Variants in CPED1 observed in about 807,000 individuals in gnomAD.
The protein encoded by CPED1 is cadherin like and PC-esterase domain containing 1, also known as cadherin-like and PC-esterase domain-containing protein 1.
In CPED1, 114 loss-of-function variants were observed where a neutral mutation model predicts 128.2. That is an observed-to-expected ratio of 0.89 (90% CI 0.76 to 1.04). The LOEUF (loss-of-function observed/expected upper bound fraction) is 1.04, where lower values mean the gene tolerates loss of function less well. CPED1 is among the 50% of genes least tolerant of loss of function. The pLI is 0.00. For missense variants in CPED1, 1,211 were observed against 1,207.1 expected (o/e 1.00, Z -0.05); for synonymous variants, 462 against 426.7 (o/e 1.08, Z -1.02).
rs771467125 is a variant in CPED1 at position 121,260,222 on chromosome 7, CGTTT to C, written c.2311-6004_2311-6001del. 1.2e-4 allele frequency among the ~76,000 whole-genome samples: 9 copies of C among 76,386 alleles called. No homozygotes were observed. The Admixed American group carries it at 1.2e-3, about 10-fold the overall frequency. The allele number at this position is 76,386 out of a possible 152,430, so 50.1% of individuals were successfully genotyped here. A position where few individuals can be genotyped will look rare whatever the true frequency, so the allele number is the denominator to read the frequency against. ...TGATGTTGTAGAGTTGCTTGCTTCGCGTTTTTTTTTTTTTTTTTTTTTTTTTGCC... is the reference window on the plus strand; with the variant it reads ...TGATGTTGTAGAGTTGCTTGCTTCGCTTTTTTTTTTTTTTTTTTTTTTGCC... On this transcript the variant is annotated intron_variant, in intron 18 of 22. Transcript: ENST00000310396.
chr7:121,223,159 G>A (rs1185641878), intron 16 of CPED1, among the ~76,000 whole-genome samples: 1 of 152,074 alleles, frequency 6.6e-6, no homozygotes. Context: ...TGAGTTTTTA[G>A]CATGAAGGGC....
intron 16 of CPED1, among the ~76,000 whole-genome samples, chr7:121,198,174 G>GA (rs949681289): frequency 2.6e-5 from 4 of 151,808 alleles, no homozygotes; most frequent in African/African-American, 7.3e-5. Flanking sequence ...TATTGTTTAG[G>GA]AAAAAAATCA....
chr7:121,154,519 A>AT (rs1239037469), intron 16 of CPED1, among the ~76,000 whole-genome samples: 1 of 151,248 alleles, frequency 6.6e-6, no homozygotes, highest in Non-Finnish European at 1.5e-5. Context: ...TGAATTTTTT[A>AT]TTTTTTATTT....
intron 5 of CPED1, among the ~76,000 whole-genome samples, chr7:121,086,303 A>G (rs1178562632): frequency 6.6e-6 from 1 of 152,246 alleles, no homozygotes; most frequent in Non-Finnish European, 1.5e-5. Context: ...GTAAATCTAC[A>G]CATTTGTTGT....
intron 16 of CPED1, among the ~76,000 whole-genome samples, chr7:121,220,725 G>A (rs1797856481): frequency 6.6e-6 from 1 of 152,012 alleles, no homozygotes; most frequent in Non-Finnish European, 1.5e-5. Flanking sequence ...ATTGAAGCAT[G>A]TAAAATAAAA....
Position 121,124,491 on chromosome 7 carries a change from AT to A in CPED1, c.1061+21del. On this transcript the variant is annotated intron_variant, in intron 8 of 22. Coordinates refer to ENST00000310396, the MANE Select transcript of CPED1 (RefSeq NM_024913.5). ...TTCCATAGGTAAAAAACAAATTTTA[AT>A]TTAAAAAAAAAAGAAAAGAAAGAAA... 7.0e-7 allele frequency: 1 copy of A among 1,419,654 alleles called. No homozygotes were observed. 87.9% of individuals were successfully genotyped at this position (1,419,654 alleles called of 1,614,324 possible).
intron 22 of CPED1, among the ~76,000 whole-genome samples, chr7:121,290,455 C>T (rs1418286748): frequency 2.6e-5 from 4 of 152,194 alleles, no homozygotes; most frequent in Non-Finnish European, 2.9e-5. Flanking sequence ...TCTCCACATC[C>T]TCTCCAGCAT....
At chr7:121,157,443 A>T (rs2116422162) in intron 16 of CPED1, among the ~76,000 whole-genome samples, 1 of 152,268 alleles carries the variant, frequency 6.6e-6, no homozygotes, top group African/African-American at 2.4e-5. Flanking sequence ...ATACCAGTAG[A>T]GGAGGGTGTG....
intron 22 of CPED1, among the ~76,000 whole-genome samples, chr7:121,277,008 AT>A (rs888382548): frequency 4.6e-4 from 70 of 150,862 alleles, no homozygotes; most frequent in African/African-American, 1.6e-3. Context: ...AAGTTAGGAG[AT>A]TTTTTTTTTC....
intron 3 of CPED1, among the ~76,000 whole-genome samples, chr7:121,044,212 G>C (rs1463486407): frequency 6.6e-6 from 1 of 152,110 alleles, no homozygotes; most frequent in Non-Finnish European, 1.5e-5. Flanking sequence ...AAGGGCTTTG[G>C]AAAGCAGGAG....
chr7:121,008,391 C>T (rs557388370), intron 2 of CPED1, among the ~76,000 whole-genome samples: 11 of 152,224 alleles, frequency 7.2e-5, no homozygotes, highest in African/African-American at 1.4e-4. Context: ...TCCTATCTGA[C>T]GCTATTTGCC....
At chr7:121,158,268 GA>G (rs1362435592) in intron 16 of CPED1, among the ~76,000 whole-genome samples, 4 of 152,168 alleles carry the variant, frequency 2.6e-5, no homozygotes, top group Non-Finnish European at 5.9e-5. Flanking sequence ...GGTACAGAAT[GA>G]AAAAATAATG....
In CPED1 at chr7:121,133,773, G is replaced by A. The variant is rs78495161; in HGVS notation, c.1578-50G>A. On this transcript the variant is annotated intron_variant, in intron 12 of 22. Transcript: ENST00000310396. ...ATAGTGTGTTAGATGTAATTTCCACGCGTTTTGTTCATTTCATTAATCCAG... is the reference window on the plus strand; with the variant it reads ...ATAGTGTGTTAGATGTAATTTCCACACGTTTTGTTCATTTCATTAATCCAG... 1.9e-3 allele frequency: 2,329 copies of A among 1,209,308 alleles called. 23 individuals are homozygous for A. The African/African-American group carries it at 0.023, about 12-fold the overall frequency. 74.9% of individuals were successfully genotyped at this position (1,209,308 alleles called of 1,614,324 possible).
intron 10 of CPED1, 27 bp downstream of exon 10, chr7:121,127,284 A>G: frequency 1.4e-6 from 2 of 1,397,418 alleles, no homozygotes; most frequent in South Asian, 1.3e-5. Context: ...GTACTGATAA[A>G]TATTTTTTCA....
chr7:120,990,733 C>T (rs928238446), intron 2 of CPED1, among the ~76,000 whole-genome samples: 2 of 152,150 alleles, frequency 1.3e-5, no homozygotes, highest in Non-Finnish European at 2.9e-5. Context: ...AAATAGAGGG[C>T]TCTGTAAGTA....
chr7:121,145,394 G>A (rs1796002409), intron 16 of CPED1, among the ~76,000 whole-genome samples: 1 of 152,032 alleles, frequency 6.6e-6, no homozygotes, highest in Admixed American at 6.6e-5. Context: ...AGAAAAGTAT[G>A]TTGGTAATTT....
intron 14 of CPED1, 118 bp from the exon 15 acceptor site, chr7:121,140,709 G>C: frequency 2.9e-6 from 2 of 693,060 alleles, no homozygotes; most frequent in Non-Finnish European, 2.4e-6. Context: ...TGGAAAGTCA[G>C]CAGGGATCAT....
At chr7:121,233,543 T>C (rs1798184764) in intron 16 of CPED1, among the ~76,000 whole-genome samples, 1 of 152,052 alleles carries the variant, frequency 6.6e-6, no homozygotes, top group Non-Finnish European at 1.5e-5. Context: ...AGGAAGGCTC[T>C]GTCTCAAAAC....
chr7:121,148,597 G>GA (rs1224565617), intron 16 of CPED1, among the ~76,000 whole-genome samples: 1 of 152,090 alleles, frequency 6.6e-6, no homozygotes, highest in Admixed American at 6.6e-5. Flanking sequence ...AACAACTAAA[G>GA]AAATAGGAGC....
Sources: gnomAD v4.1 joint callset for allele counts (sites outside exome capture counted in the v4.1 genomes callset) on GRCh38, gnomAD v4.1.1 for gene constraint, MANE v1.5 for transcripts, NCBI Gene and HGNC (gene_info 2026-07-23, HGNC 2026-07-21) for gene names.